KIF13B: variants seen among roughly 807,000 people sequenced by gnomAD.
The protein encoded by KIF13B is kinesin family member 13B.
KIF13B carries 127 observed loss-of-function variants against 222.0 expected under a neutral mutation model. The ratio of observed to expected loss-of-function variants is 0.57; its 90% CI spans 0.50 to 0.66. The LOEUF (loss-of-function observed/expected upper bound fraction) is 0.66. Among genes scored for constraint, KIF13B ranks in the 30% least tolerant of loss-of-function variants. KIF13B has a pLI of 0.00. For synonymous variants in KIF13B, 976 were observed against 919.0 expected, an observed-to-expected ratio of 1.06 and a Z score of -1.12; for missense variants, 2,173 against 2,379.0, an observed-to-expected ratio of 0.91 and a Z score of 1.80.
At chr8:29,230,232 A>C (rs1323278777) in intron 2 of KIF13B, among the ~76,000 whole-genome samples, 2 of 152,168 alleles carry the variant, frequency 1.3e-5, no homozygotes, top group East Asian at 1.9e-4. Context: ...CTCACACCCA[A>C]GTCTGAGTCA....
At chr8:29,231,808 T>C (rs977297945) in intron 2 of KIF13B, among the ~76,000 whole-genome samples, 4 of 152,148 alleles carry the variant, frequency 2.6e-5, no homozygotes, top group Non-Finnish European at 5.9e-5. Flanking sequence ...TGTACATATA[T>C]GTGTATATGT....
At chr8:29,222,352 G>A (rs1428770484) in intron 2 of KIF13B, among the ~76,000 whole-genome samples, 1 of 151,758 alleles carries the variant, frequency 6.6e-6, no homozygotes, top group Admixed American at 6.6e-5. Context: ...GCAAGACCCC[G>A]TCTCAAAAAA....
chr8:29,257,490 TAAG>T (rs1295737904), intron 1 of KIF13B, among the ~76,000 whole-genome samples: 2 of 152,164 alleles, frequency 1.3e-5, no homozygotes, highest in African/African-American at 2.4e-5. Context: ...TTTCAGCACT[TAAG>T]AAGTGGAAAA....
At chr8:29,102,092 A>G (rs1291789562) in intron 35 of KIF13B, among the ~76,000 whole-genome samples, 1 of 152,046 alleles carries the variant, frequency 6.6e-6, no homozygotes, top group African/African-American at 2.4e-5. Flanking sequence ...GTAGATTAAA[A>G]AAGAAAAAAA....
chr8:29,102,264 T>C (rs1345216186), intron 35 of KIF13B, among the ~76,000 whole-genome samples: 1 of 152,194 alleles, frequency 6.6e-6, no homozygotes, highest in East Asian at 1.9e-4. Context: ...CCTCCAGTAA[T>C]CTACACCCCT....
intron 37 of KIF13B, among the ~76,000 whole-genome samples, chr8:29,089,752 A>C (rs1338279657): frequency 6.6e-6 from 1 of 151,798 alleles, no homozygotes; most frequent in Non-Finnish European, 1.5e-5. Context: ...AAATCAGCCA[A>C]GCGTGGTGGC....
intron 36 of KIF13B, 64 bp downstream of exon 36, chr8:29,099,069 A>C (rs897740344): frequency 7.6e-7 from 1 of 1,308,532 alleles, no homozygotes; most frequent in Admixed American, 1.7e-5. Flanking sequence ...GGAAATTCTA[A>C]TTTAAACTTT....
rs1807101544 is a variant in KIF13B at position 29,068,506 on chromosome 8, C to T, written c.*1998G>A. On this transcript the variant is annotated 3_prime_UTR_variant, in exon 40 of 40. Transcript: ENST00000524189. This position sits in a 1 kb window ranked among gnomAD's most constrained non-coding sequence, Gnocchi z 4.4. ...AGGAACTCTGGCTCGTTCTACTCCA[C>T]TGTAAGTCAAACCGATGGTAAAAAG... is the stretch of plus-strand genomic sequence containing the variant. 6.6e-6 allele frequency: 1 copy of T among 152,268 alleles called. No individual in the cohort carries two copies. The highest frequency in any genetic ancestry group is 2.4e-5 in the African/African-American group (1 of 41,436). The allele number at this position is 152,268 out of a possible 1,614,324, so 9.4% of individuals were successfully genotyped here.
intron 1 of KIF13B, 35 bp from the exon 2 acceptor site, chr8:29,245,474 A>G (rs746207561): frequency 6.8e-7 from 1 of 1,460,860 alleles, no homozygotes; most frequent in East Asian, 2.4e-5. Flanking sequence ...CAGTCATTTT[A>G]AAAAGTAATT....
At chr8:29,184,648 A>G (rs564804896) in intron 6 of KIF13B, among the ~76,000 whole-genome samples, 2 of 152,310 alleles carry the variant, frequency 1.3e-5, no homozygotes, top group Non-Finnish European at 2.9e-5. Context: ...GTTAATTACT[A>G]ACCTATACCC....
chr8:29,146,376 A>AC lies in KIF13B; in HGVS notation c.2187+1dup. 6.2e-7 allele frequency: 1 copy of AC among 1,613,788 alleles called. No individual in the cohort carries two copies. ...GTTTTTTTCAAGGAACGGCAACCTC[A>AC]CCTTCCTGTTGGCATCCAGGCTGGA... is the stretch of plus-strand genomic sequence containing the variant. On this transcript the variant is annotated splice_donor_variant, in intron 18 of 39. Transcript: ENST00000524189. LOFTEE classifies it high-confidence loss of function.
Position 29,072,331 on chromosome 8 carries a change from G to A in KIF13B, c.4522-15C>T. On this transcript the variant is annotated splice_polypyrimidine_tract_variant and intron_variant, in intron 38 of 39. Transcript: ENST00000524189. ...TCCGGCTGAGCCTGCAGCAGGACGG[G>A]GAAGCAGGGGCTGAGAACAGAAAAC... The A allele has an allele frequency of 1.4e-6, 2 of 1,391,092 alleles. No homozygotes were observed. The highest frequency in any genetic ancestry group is 1.9e-6 in the Non-Finnish European group (2 of 1,067,280). The allele number at this position is 1,391,092 out of a possible 1,614,324, so 86.2% of individuals were successfully genotyped here. A position where few individuals can be genotyped will look rare whatever the true frequency, so the allele number is the denominator to read the frequency against.
chr8:29,150,490 C>T (rs924591980), intron 14 of KIF13B, 107 bp from the exon 15 acceptor site: 2 of 595,606 alleles, frequency 3.4e-6, no homozygotes, highest in African/African-American at 3.7e-5. Flanking sequence ...CAATAATTCC[C>T]CCAAACACAA....
intron 1 of KIF13B, among the ~76,000 whole-genome samples, chr8:29,260,806 C>T (rs1457462969): frequency 6.6e-6 from 1 of 152,074 alleles, no homozygotes; most frequent in Non-Finnish European, 1.5e-5. Flanking sequence ...TTAGTAGAGA[C>T]AGGGTTTTGC....
chr8:29,137,587 C>T, intron 21 of KIF13B, among the ~76,000 whole-genome samples: 1 of 152,252 alleles, frequency 6.6e-6, no homozygotes, highest in East Asian at 1.9e-4. Context: ...ACTCACCACG[C>T]ATGACATCTT....
intron 37 of KIF13B, among the ~76,000 whole-genome samples, chr8:29,082,722 T>C (rs888339898): frequency 3.3e-5 from 5 of 152,224 alleles, no homozygotes; most frequent in Non-Finnish European, 5.9e-5. Flanking sequence ...TCTACACATA[T>C]ATTTTAAAAG....
At chr8:29,232,330 G>T (rs1347468899) in intron 2 of KIF13B, among the ~76,000 whole-genome samples, 7 of 150,116 alleles carry the variant, frequency 4.7e-5, no homozygotes, top group African/African-American at 1.7e-4. Flanking sequence ...TTGGCACTTT[G>T]GGAAACCAAG....
chr8:29,164,445 G>A (rs936105502), intron 12 of KIF13B, among the ~76,000 whole-genome samples: 1 of 152,200 alleles, frequency 6.6e-6, no homozygotes, highest in African/African-American at 2.4e-5. Flanking sequence ...TATCTTGTTA[G>A]ACTACTGAGA....
chr8:29,254,612 A>G (rs955834304), intron 1 of KIF13B, among the ~76,000 whole-genome samples: 1 of 152,244 alleles, frequency 6.6e-6, no homozygotes, highest in Non-Finnish European at 1.5e-5. Context: ...ATACCACCTC[A>G]TACCCACTAG....
Sources: allele counts gnomAD v4.1 joint callset (sites outside exome capture counted in the v4.1 genomes callset), GRCh38; gene constraint gnomAD v4.1.1; non-coding constraint Gnocchi (gnomAD v3.1); transcripts MANE v1.5; gene names NCBI Gene and HGNC (gene_info 2026-07-23, HGNC 2026-07-21).